SLC71A2: variants seen among roughly 807,000 people sequenced by gnomAD.
The protein encoded by SLC71A2 is solute carrier family 71 member 2.
chr9:94,419,025 C>T, the SLC71A2 span, among the ~76,000 whole-genome samples: 61 of 152,234 alleles, frequency 4.0e-4, no homozygotes, highest in African/African-American at 1.4e-3. Context: ...CCCTTTTTTA[C>T]CTGAGTGAGT....
At chr9:94,381,568 A>G in the SLC71A2 span, among the ~76,000 whole-genome samples, 1 of 152,260 alleles carries the variant, frequency 6.6e-6, no homozygotes, top group Non-Finnish European at 1.5e-5. Context: ...GGCTATTACA[A>G]ATAAAGCTGC....
At chr9:94,460,984 T>C in the SLC71A2 span, 4 of 152,298 alleles carry the variant, frequency 2.6e-5, no homozygotes, top group African/African-American at 7.2e-5. Flanking sequence ...TGGGTGGCTT[T>C]CAATTAAACT....
chr9:94,448,114 T>C, the SLC71A2 span, among the ~76,000 whole-genome samples: 8 of 152,206 alleles, frequency 5.3e-5, no homozygotes, highest in Admixed American at 1.3e-4. Flanking sequence ...TTTTAATCTT[T>C]AATAATATTA....
the SLC71A2 span, among the ~76,000 whole-genome samples, chr9:94,380,851 A>C: frequency 1.4e-5 from 1 of 73,136 alleles, no homozygotes; most frequent in Non-Finnish European, 3.0e-5. Context: ...ACATAAAATA[A>C]ACTGTGTGTT....
At chr9:94,422,599 C>T in the SLC71A2 span, among the ~76,000 whole-genome samples, 1 of 151,976 alleles carries the variant, frequency 6.6e-6, no homozygotes, top group South Asian at 2.1e-4. Flanking sequence ...AGTGGGTGAA[C>T]AATTTACTCT....
chr9:94,444,342 A>C, the SLC71A2 span, among the ~76,000 whole-genome samples: 1 of 152,224 alleles, frequency 6.6e-6, no homozygotes, highest in Admixed American at 6.5e-5. Flanking sequence ...ACAGAGAGAC[A>C]GAAATCTACA....
At chr9:94,410,777 A>T in the SLC71A2 span, among the ~76,000 whole-genome samples, 3 of 152,166 alleles carry the variant, frequency 2.0e-5, no homozygotes, top group East Asian at 3.9e-4. Context: ...TAAAATTATT[A>T]TTATTTGAGA....
the SLC71A2 span, among the ~76,000 whole-genome samples, chr9:94,385,493 T>C: frequency 1.3e-5 from 2 of 152,210 alleles, no homozygotes; most frequent in East Asian, 3.8e-4. Context: ...TTATCTCTTT[T>C]ATGTTTTTAG....
chr9:94,437,317 A>G, the SLC71A2 span, among the ~76,000 whole-genome samples: 1 of 140,172 alleles, frequency 7.1e-6, no homozygotes, highest in Non-Finnish European at 1.5e-5. Context: ...TTCATTATTC[A>G]TCAGCATTTT....
the SLC71A2 span, chr9:94,438,303 G>C: frequency 7.1e-7 from 1 of 1,409,562 alleles, no homozygotes; most frequent in African/African-American, 1.4e-5. Flanking sequence ...TTTGGGGGCA[G>C]TACAATGAAT....
the SLC71A2 span, among the ~76,000 whole-genome samples, chr9:94,383,502 G>A: frequency 6.6e-6 from 1 of 151,944 alleles, no homozygotes; most frequent in Admixed American, 6.6e-5. Flanking sequence ...CCATATATTA[G>A]TCAGTCTCTG....
the SLC71A2 span, among the ~76,000 whole-genome samples, chr9:94,424,918 T>A: frequency 0.16 from 24,146 of 147,948 alleles, 2,646 homozygotes; most frequent in East Asian, 0.34. Flanking sequence ...TTTTTTTTTT[T>A]AAATAATAAA....
At chr9:94,458,060 G>GGACATTGCCT in the SLC71A2 span, among the ~76,000 whole-genome samples, 8 of 152,174 alleles carry the variant, frequency 5.3e-5, no homozygotes, top group Non-Finnish European at 1.0e-4. Context: ...ACAGAAAAGT[G>GGACATTGCCT]GACATTGCCT....
the SLC71A2 span, among the ~76,000 whole-genome samples, chr9:94,420,505 G>C: frequency 1.3e-5 from 2 of 152,120 alleles, no homozygotes; most frequent in Non-Finnish European, 2.9e-5. Context: ...CAGCTGTACT[G>C]AAAGATAATT....
chr9:94,387,046 C>T, the SLC71A2 span, among the ~76,000 whole-genome samples: 1 of 151,966 alleles, frequency 6.6e-6, no homozygotes, highest in African/African-American at 2.4e-5. Flanking sequence ...CTATTTTGCC[C>T]CATACTCGGT....
At chr9:94,441,135 A>G in the SLC71A2 span, 2 of 1,168,980 alleles carry the variant, frequency 1.7e-6, no homozygotes, top group Non-Finnish European at 2.5e-6. Context: ...TTTAACCAGA[A>G]TAGTAATTAA....
the SLC71A2 span, among the ~76,000 whole-genome samples, chr9:94,452,861 T>C: frequency 1.3e-5 from 2 of 151,630 alleles, no homozygotes; most frequent in African/African-American, 4.8e-5. Flanking sequence ...CTTAAATTAA[T>C]TCACTGTTGT....
At chr9:94,456,383 C>A in the SLC71A2 span, 1 of 1,475,330 alleles carries the variant, frequency 6.8e-7, no homozygotes. Context: ...AACGGGAGAC[C>A]TCCCTGCTAG....
the SLC71A2 span, among the ~76,000 whole-genome samples, chr9:94,451,136 TTTTGTTTCA>T: frequency 6.6e-6 from 1 of 152,226 alleles, no homozygotes; most frequent in African/African-American, 2.4e-5. Flanking sequence ...AAGTCAGTCA[TTTTGTTTCA>T]TTTTTTATTA....
Sources: allele counts gnomAD v4.1 joint callset (sites outside exome capture counted in the v4.1 genomes callset), GRCh38; gene constraint gnomAD v4.1.1; transcripts MANE v1.5; gene names NCBI Gene and HGNC (gene_info 2026-07-23, HGNC 2026-07-21).